Variants in GRM1 observed in about 807,000 individuals in gnomAD.
GRM1 encodes glutamate metabotropic receptor 1, also known as metabotropic glutamate receptor 1.
In GRM1, 33 loss-of-function variants were observed where a neutral mutation model predicts 90.9. The observed-to-expected ratio is 0.36, with a 90% CI of 0.28 to 0.49. The LOEUF is 0.49. Among genes scored for constraint, GRM1 ranks in the 20% least tolerant of loss-of-function variants. The pLI, the probability that GRM1 is intolerant of heterozygous loss-of-function variation, is 0.99. For synonymous variants in GRM1, 700 were observed against 613.2 expected, an observed-to-expected ratio of 1.14 and a Z score of -2.09; for missense variants, 1,190 against 1,534.3, an observed-to-expected ratio of 0.78 and a Z score of 3.75.
At chr6:146,380,760 G>A (rs1214534858) in intron 5 of GRM1, among the ~76,000 whole-genome samples, 2 of 152,042 alleles carry the variant, frequency 1.3e-5, no homozygotes, top group African/African-American at 2.4e-5. Flanking sequence ...TCAGAGGCTC[G>A]CTCAAGGCCC....
At chr6:146,396,501 G>A (rs1200106982) in intron 6 of GRM1, among the ~76,000 whole-genome samples, 1 of 152,122 alleles carries the variant, frequency 6.6e-6, no homozygotes, top group Non-Finnish European at 1.5e-5. Flanking sequence ...AGCACTCAGG[G>A]CCAGCTTGGA....
intron 2 of GRM1, 61 bp from the exon 3 acceptor site, chr6:146,304,550 G>A: frequency 8.9e-7 from 1 of 1,125,698 alleles, no homozygotes; most frequent in Non-Finnish European, 1.3e-6. Flanking sequence ...ATATAACTCT[G>A]AGCTCTATTT....
At chr6:146,164,492 C>T (rs151175580) in intron 2 of GRM1, among the ~76,000 whole-genome samples, 1 of 152,208 alleles carries the variant, frequency 6.6e-6, no homozygotes, top group East Asian at 1.9e-4. Context: ...CATTATGTGA[C>T]CCCTGATTTC....
intron 5 of GRM1, among the ~76,000 whole-genome samples, chr6:146,377,054 G>T (rs1467516692): frequency 3.3e-5 from 5 of 152,008 alleles, no homozygotes; most frequent in African/African-American, 1.2e-4. Flanking sequence ...AGGCCTTGGA[G>T]GTTGTGAGGC....
At chr6:146,249,658 A>G (rs780169388) in intron 2 of GRM1, among the ~76,000 whole-genome samples, 27 of 152,184 alleles carry the variant, frequency 1.8e-4, no homozygotes, top group Non-Finnish European at 3.5e-4. Context: ...AGGACAATAT[A>G]GAGGGAAAAT....
In GRM1 at chr6:146,071,384, AT is replaced by A. The variant is rs1237689249; in HGVS notation, c.700+41168del. Among the ~76,000 whole-genome samples the A allele has an allele frequency of 2.0e-5, 3 of 152,168 alleles. No individual in the cohort carries two copies. In the East Asian group the frequency reaches 5.8e-4, roughly 29 times the overall value. Reference sequence around the variant, plus strand: ...TTTCTGGTAGAAGAAGAAATTCCAGATAGAAATCTAAGCTAGAAATGGATCT... The same window carrying A: ...TTTCTGGTAGAAGAAGAAATTCCAGAAGAAATCTAAGCTAGAAATGGATCT... On this transcript the variant is annotated intron_variant, in intron 1 of 7. Coordinates refer to ENST00000282753, the MANE Select transcript of GRM1 (RefSeq NM_001278064.2).
chr6:146,203,199 A>G (rs1343714781), intron 2 of GRM1, among the ~76,000 whole-genome samples: 2 of 129,808 alleles, frequency 1.5e-5, no homozygotes, highest in African/African-American at 6.2e-5. Context: ...CTCAAAATAA[A>G]TAAATAAATA....
chr6:146,331,783 C>A (rs773097177), intron 3 of GRM1, among the ~76,000 whole-genome samples: 2 of 151,930 alleles, frequency 1.3e-5, no homozygotes, highest in Non-Finnish European at 2.9e-5. Flanking sequence ...AATTCTAATC[C>A]CAAACATGTT....
rs1393383317 is a variant in GRM1, at chr6:146,433,954, G to A, written c.2743G>A (p.Val915Met). 8.1e-6 allele frequency: 13 copies of A among 1,613,888 alleles called. No individual in the cohort carries two copies. Among genetic ancestry groups the A allele is most frequent in the Non-Finnish European group, 1.1e-5 (13 of 1,179,904 alleles). ...KGQHMWHRLSVHVKTNETACN... is the reference protein window; with the variant it reads ...KGQHMWHRLSMHVKTNETACN... The stretch of plus-strand genomic sequence containing the variant: ...ACAGCATATGTGGCACCGCCTCTCT[G>A]TGCACGTGAAGACCAATGAGACGGC... The change falls in exon 8 of 8, where the codon GTG becomes ATG. Residue 915 changes from valine to methionine, a missense_variant. Physicochemically the swap from Val to Met is conservative, Grantham distance 21 (BLOSUM62 1). Transcript: ENST00000282753.
At chr6:146,274,904 C>A (rs1262407419) in intron 2 of GRM1, among the ~76,000 whole-genome samples, 1 of 152,076 alleles carries the variant, frequency 6.6e-6, no homozygotes, top group Non-Finnish European at 1.5e-5. Flanking sequence ...ATGGTGGGCA[C>A]CTATAATCCC....
intron 3 of GRM1, among the ~76,000 whole-genome samples, chr6:146,307,712 A>G (rs933867397): frequency 7.9e-5 from 12 of 152,092 alleles, no homozygotes; most frequent in African/African-American, 2.9e-4. Context: ...ACTCCTTTTT[A>G]CCTCTTCTAA....
chr6:146,116,186 G>A (rs1377686364), intron 1 of GRM1, among the ~76,000 whole-genome samples: 2 of 151,988 alleles, frequency 1.3e-5, no homozygotes, highest in African/African-American at 4.8e-5. Flanking sequence ...TGAACTCCTG[G>A]CCTCAAGTGA....
intron 2 of GRM1, among the ~76,000 whole-genome samples, chr6:146,249,538 T>C (rs919563968): frequency 1.3e-5 from 2 of 152,096 alleles, no homozygotes; most frequent in African/African-American, 2.4e-5. Context: ...AAAACATGAA[T>C]TGTGGTTTGG....
chr6:146,172,402 C>A (rs76811761), intron 2 of GRM1, among the ~76,000 whole-genome samples: 391 of 152,308 alleles, frequency 2.6e-3, no homozygotes, highest in African/African-American at 8.6e-3. Context: ...TGAATAGAAA[C>A]CTTTATTTTA....
At chr6:146,357,348 G>A (rs1408210529) in intron 4 of GRM1, among the ~76,000 whole-genome samples, 178 bp from the exon 5 acceptor site, 1 of 152,110 alleles carries the variant, frequency 6.6e-6, no homozygotes, top group African/African-American at 2.4e-5. Context: ...TTGAAGAATG[G>A]AATATACACA....
At chr6:146,360,483 A>G (rs998883897) in intron 5 of GRM1, among the ~76,000 whole-genome samples, 4 of 152,166 alleles carry the variant, frequency 2.6e-5, no homozygotes, top group African/African-American at 9.7e-5. Context: ...GGGAAATTTA[A>G]TAGAAGAAAA....
At chr6:146,412,317 G>A (rs1392907848) in intron 7 of GRM1, among the ~76,000 whole-genome samples, 1 of 152,166 alleles carries the variant, frequency 6.6e-6, no homozygotes, top group Non-Finnish European at 1.5e-5. Context: ...TGACCTGAGA[G>A]GTGAGTAGTG....
At position 146,159,466 on chromosome 6, in the gene GRM1, C is replaced by G; in HGVS notation, c.819C>G (p.Leu273=). 6.2e-7 allele frequency: 1 copy of G among 1,614,224 alleles called. No homozygotes were observed. The highest frequency in any genetic ancestry group is 8.5e-7 in the Non-Finnish European group (1 of 1,180,032). Residue 273 remains leucine, a synonymous_variant, in exon 2 of 8, where the codon CTC becomes CTG. Transcript: ENST00000282753. ...SNAGEKSFDR[L]LRKLRERLPK... Reference sequence around the variant, plus strand: ...CTGGGGAGAAGAGCTTTGACCGACTCTTGCGCAAACTCCGAGAGAGGCTTC... The same window carrying G: ...CTGGGGAGAAGAGCTTTGACCGACTGTTGCGCAAACTCCGAGAGAGGCTTC...
At chr6:146,402,639 A>G (rs1324296233) in intron 7 of GRM1, among the ~76,000 whole-genome samples, 1 of 152,184 alleles carries the variant, frequency 6.6e-6, no homozygotes. Flanking sequence ...CTGCATGTGT[A>G]GCTATAAACA....
Sources: allele counts gnomAD v4.1 joint callset (sites outside exome capture counted in the v4.1 genomes callset), GRCh38; gene constraint gnomAD v4.1.1; transcripts MANE v1.5; gene names NCBI Gene and HGNC (gene_info 2026-07-23, HGNC 2026-07-21).